IGF1: variants seen among roughly 807,000 people sequenced by gnomAD.
IGF1 encodes insulin-like growth factor 1.
In IGF1, 4 loss-of-function variants were observed where a neutral mutation model predicts 13.8. That is an observed-to-expected ratio of 0.29 (90% CI 0.14 to 0.66). The LOEUF is 0.66. IGF1 is among the 30% of genes least tolerant of loss of function. The pLI is 0.78. For synonymous variants in IGF1, 76 were observed against 72.6 expected (o/e 1.05, Z -0.23); for missense variants, 124 against 188.5 (o/e 0.66, Z 2.00).
Position 102,480,544 on chromosome 12 carries a change from T to C in IGF1, c.-163A>G. ...TCTGCTCTGAATTTAGCAGTGACAG[T>C]GAGATTTAGCAAACAGAAGAGGGAT... On this transcript the variant is annotated 5_prime_UTR_variant, in exon 1 of 4. Transcript: ENST00000337514. The C allele has an allele frequency of 6.7e-7, 1 of 1,488,414 alleles. No homozygotes were observed. The highest frequency in any genetic ancestry group is 8.9e-7 in the Non-Finnish European group (1 of 1,120,652). The allele number at this position is 1,488,414 out of a possible 1,614,324, so 92.2% of individuals were successfully genotyped here.
In IGF1 at chr12:102,402,431, A is replaced by T. The variant is rs1334899166; in HGVS notation, c.*76T>A. The T allele has an allele frequency of 1.3e-6, 1 of 779,354 alleles. No individual in the cohort carries two copies. Among genetic ancestry groups the T allele is most frequent in the African/African-American group, 1.7e-5 (1 of 59,164 alleles). The allele number at this position is 779,354 out of a possible 1,614,324, so 48.3% of individuals were successfully genotyped here. A position where few individuals can be genotyped will look rare whatever the true frequency, so the allele number is the denominator to read the frequency against. On this transcript the variant is annotated 3_prime_UTR_variant, in exon 4 of 4. Transcript: ENST00000337514. ...AACTTATTTTTTGGTAGGTGTTCCA[A>T]AGTTTAACAGGTAACTCGTGCAGAG... is the stretch of plus-strand genomic sequence containing the variant.
intron 3 of IGF1, among the ~76,000 whole-genome samples, chr12:102,407,094 C>CAA (rs57468885): frequency 2.0e-5 from 2 of 100,988 alleles, no homozygotes; most frequent in Non-Finnish European, 3.8e-5. Context: ...ACTCTGTCTC[C>CAA]AAAAAAAAAA....
chr12:102,448,421 C>T (rs1878552288), intron 2 of IGF1, among the ~76,000 whole-genome samples: 1 of 147,536 alleles, frequency 6.8e-6, no homozygotes, highest in African/African-American at 2.5e-5. Context: ...CCATCATTCT[C>T]AGTAAACTAT....
At chr12:102,473,676 ATTTCCT>A (rs1880827966) in intron 2 of IGF1, among the ~76,000 whole-genome samples, 1 of 152,196 alleles carries the variant, frequency 6.6e-6, no homozygotes, top group Non-Finnish European at 1.5e-5. Context: ...TATATATAAC[ATTTCCT>A]TTTCAAGTTA....
chr12:102,409,321 C>T (rs547724096), intron 3 of IGF1, among the ~76,000 whole-genome samples: 8 of 152,190 alleles, frequency 5.3e-5, no homozygotes, highest in Non-Finnish European at 1.0e-4. Context: ...AGAGTAAATT[C>T]TGCATGTTTG....
Position 102,402,185 on chromosome 12 carries a change from A to C in IGF1, c.*322T>G, listed in dbSNP as rs1265013609. 1 of 179,972 alleles carries C rather than the reference A, an allele frequency of 5.6e-6. No homozygotes were observed. Among genetic ancestry groups the C allele is most frequent in the African/African-American group, 2.4e-5 (1 of 41,810 alleles). 11.1% of individuals were successfully genotyped at this position (179,972 alleles called of 1,614,324 possible). ...AGGAATTTAGTGCAACTGGATCTAT[A>C]CAACACCCATGCATTTGTGGCTCTT... is the stretch of plus-strand genomic sequence containing the variant. On this transcript the variant is annotated 3_prime_UTR_variant, in exon 4 of 4. Coordinates refer to ENST00000337514, the MANE Select transcript of IGF1 (RefSeq NM_000618.5).
At chr12:102,468,180 G>A (rs1267388382) in intron 2 of IGF1, among the ~76,000 whole-genome samples, 1 of 152,048 alleles carries the variant, frequency 6.6e-6, no homozygotes, top group African/African-American at 2.4e-5. Context: ...CTTTATTCCT[G>A]CAGAATGCCT....
intron 2 of IGF1, among the ~76,000 whole-genome samples, chr12:102,444,095 G>A (rs1294651279): frequency 6.6e-6 from 1 of 151,996 alleles, no homozygotes; most frequent in Non-Finnish European, 1.5e-5. Context: ...TCAAAGTGCT[G>A]AGATTACAGG....
chr12:102,414,239 C>G (rs1001507187), intron 3 of IGF1, among the ~76,000 whole-genome samples: 1 of 151,918 alleles, frequency 6.6e-6, no homozygotes, highest in Non-Finnish European at 1.5e-5. Flanking sequence ...TCTCAATAAA[C>G]CCTCACAACA....
rs1340742969 is a variant in IGF1, at chr12:102,399,309, A to G, written c.*3198T>C. ...GAGAGAACAGAAATTTGACCTAAGT[A>G]TCCAGTATGGTCAATTAAATTGGAA... On this transcript the variant is annotated 3_prime_UTR_variant, in exon 4 of 4. Coordinates refer to ENST00000337514, the MANE Select transcript of IGF1 (RefSeq NM_000618.5). 6.6e-6 allele frequency: 1 copy of G among 152,578 alleles called. No individual in the cohort carries two copies. Among genetic ancestry groups the G allele is most frequent in the Non-Finnish European group, 1.5e-5 (1 of 68,002 alleles). 9.5% of individuals were successfully genotyped at this position (152,578 alleles called of 1,614,324 possible).
intron 2 of IGF1, among the ~76,000 whole-genome samples, chr12:102,451,314 C>T (rs1208241284): frequency 1.3e-5 from 2 of 152,212 alleles, no homozygotes; most frequent in Non-Finnish European, 2.9e-5. Context: ...TTCAGTATAT[C>T]TCAAACAAAT....
intron 2 of IGF1, among the ~76,000 whole-genome samples, chr12:102,473,435 T>A (rs1254036409): frequency 6.6e-6 from 1 of 152,200 alleles, no homozygotes; most frequent in African/African-American, 2.4e-5. Flanking sequence ...GACTAATTTC[T>A]TTTGGGCAAA....
At chr12:102,481,353 G>A (rs1383694119), upstream of IGF1, among the ~76,000 whole-genome samples, 3 of 135,610 alleles carry the variant, frequency 2.2e-5, no homozygotes, top group Non-Finnish European at 4.7e-5. Context: ...AAACCTGTGT[G>A]TGTGTGTGTG....
intron 2 of IGF1, among the ~76,000 whole-genome samples, chr12:102,432,661 A>T (rs1565978747): frequency 6.6e-6 from 1 of 152,194 alleles, no homozygotes; most frequent in African/African-American, 2.4e-5. Context: ...TGAAGGAAAC[A>T]TGGGGCGTAA....
At chr12:102,405,444 C>T (rs1263009216) in intron 3 of IGF1, among the ~76,000 whole-genome samples, 1 of 151,866 alleles carries the variant, frequency 6.6e-6, no homozygotes, top group Non-Finnish European at 1.5e-5. Context: ...CACATGGGGC[C>T]ACAGAATAGC....
intron 3 of IGF1, 58 bp downstream of exon 3, chr12:102,419,451 C>A: frequency 6.5e-7 from 1 of 1,548,786 alleles, no homozygotes; most frequent in South Asian, 1.2e-5. Flanking sequence ...TTGGCCCACC[C>A]ACATGCACAA....
At chr12:102,477,520 TATC>T (rs1246959656) in intron 1 of IGF1, among the ~76,000 whole-genome samples, 2 of 144,006 alleles carry the variant, frequency 1.4e-5, no homozygotes, top group Middle Eastern at 3.5e-3. Flanking sequence ...AGAAGCATGT[TATC>T]ATCCAGTTCT....
At position 102,396,552 on chromosome 12, in the gene IGF1, G is replaced by A; in HGVS notation, c.*5955C>T. 1 of 235,112 alleles carries A rather than the reference G, an allele frequency of 4.3e-6. No individual in the cohort carries two copies. The highest frequency in any genetic ancestry group is 8.1e-6 in the Non-Finnish European group (1 of 122,984). 14.6% of individuals were successfully genotyped at this position (235,112 alleles called of 1,614,324 possible). On this transcript the variant is annotated 3_prime_UTR_variant, in exon 4 of 4. Coordinates refer to ENST00000337514, the MANE Select transcript of IGF1 (RefSeq NM_000618.5). ...TGGGGTCAATGGGTGGCTTGAAAGGGATTTTAGAGCTCTGTTTTTATTTTT... is the reference window on the plus strand; with the variant it reads ...TGGGGTCAATGGGTGGCTTGAAAGGAATTTTAGAGCTCTGTTTTTATTTTT...
intron 1 of IGF1, chr12:102,478,506 G>T: frequency 6.2e-7 from 1 of 1,610,624 alleles, no homozygotes; most frequent in Non-Finnish European, 8.5e-7. Context: ...AATCATTTTT[G>T]TTTGTTCCAG....
Sources: gnomAD v4.1 joint callset for allele counts (sites outside exome capture counted in the v4.1 genomes callset) on GRCh38, gnomAD v4.1.1 for gene constraint, MANE v1.5 for transcripts, NCBI Gene and HGNC (gene_info 2026-07-23, HGNC 2026-07-21) for gene names.